The following CHST15 variants were observed in gnomAD, a reference collection of about 807,000 sequenced individuals.
CHST15 encodes B cell RAG associated protein (GALNAC4S-6ST).
A neutral mutation model predicts 53.6 loss-of-function variants in CHST15; 30 were observed. The observed-to-expected ratio is 0.56, with a 90% confidence interval of 0.42 to 0.76. CHST15 has a LOEUF of 0.76. Ranked by LOEUF, CHST15 falls within the 30% of genes least tolerant of loss-of-function variation. The probability of loss-of-function intolerance (pLI) is 0.00; values close to 1 mark genes in which losing one functional copy is unlikely to be tolerated. For synonymous variants in CHST15, 296 were observed against 289.8 expected (o/e 1.02, Z -0.22); for missense variants, 627 against 740.5 (o/e 0.85, Z 1.78).
At chr10:124,012,968 C>T (rs1946461749) in intron 6 of CHST15, among the ~76,000 whole-genome samples, 1 of 152,196 alleles carries the variant, frequency 6.6e-6, no homozygotes. Context: ...GTGTGTAATT[C>T]AGCATCTAAT....
chr10:124,029,819 C>T (rs1947155348), intron 5 of CHST15, among the ~76,000 whole-genome samples: 1 of 152,226 alleles, frequency 6.6e-6, no homozygotes, highest in African/African-American at 2.4e-5. Flanking sequence ...ACAGCGTCAA[C>T]CTCACTAAGC....
At chr10:124,018,296 T>C (rs1946654641) in intron 6 of CHST15, among the ~76,000 whole-genome samples, 1 of 152,108 alleles carries the variant, frequency 6.6e-6, no homozygotes, top group Non-Finnish European at 1.5e-5. Flanking sequence ...CTCCTGACGA[T>C]GTCACACATT....
intron 1 of CHST15, among the ~76,000 whole-genome samples, chr10:124,048,269 G>A (rs1186429498): frequency 6.6e-6 from 1 of 152,224 alleles, no homozygotes; most frequent in Non-Finnish European, 1.5e-5. Flanking sequence ...ATGCTAATAA[G>A]CCCTGTGAAT....
chr10:124,025,516 G>T (rs1318432024), intron 5 of CHST15, among the ~76,000 whole-genome samples: 4 of 152,172 alleles, frequency 2.6e-5, no homozygotes, highest in African/African-American at 9.7e-5. Context: ...CTGGGTCCCT[G>T]GCATCCTGCT....
At chr10:124,058,871 C>G (rs1948469705) in intron 1 of CHST15, among the ~76,000 whole-genome samples, 2 of 152,218 alleles carry the variant, frequency 1.3e-5, no homozygotes, top group African/African-American at 4.8e-5. Flanking sequence ...TGAGGGCTTC[C>G]TTGTGTCCAG....
chr10:124,053,231 G>A (rs1002443412), intron 1 of CHST15, among the ~76,000 whole-genome samples: 2 of 152,186 alleles, frequency 1.3e-5, no homozygotes, highest in African/African-American at 2.4e-5. Context: ...CAGGAGTGAC[G>A]TATTTCTCCA....
At position 124,053,498 on chromosome 10, in the gene CHST15, C is replaced by T. The variant is rs1037627406; in HGVS notation, c.-512-6774G>A. Among the ~76,000 whole-genome samples, 154 of 146,198 alleles carry T rather than the reference C, an allele frequency of 1.1e-3. 1 individual carries two copies. In the East Asian group the frequency reaches 0.029, roughly 28 times the overall value. On this transcript the variant is annotated intron_variant, in intron 1 of 7. Coordinates refer to ENST00000435907, the MANE Select transcript of CHST15 (RefSeq NM_001270764.2). Reference sequence around the variant, plus strand: ...ATAATAAAGGGTTGATTTTTCTTTTCTTTTTTTTTTTTCAAGACAGAGTCT... The same window carrying T: ...ATAATAAAGGGTTGATTTTTCTTTTTTTTTTTTTTTTTCAAGACAGAGTCT...
At position 124,009,264 on chromosome 10, in the gene CHST15, C is replaced by A; in HGVS notation, c.*885G>T. The stretch of plus-strand genomic sequence containing the variant: ...TTGAGGTTGCTCATTCTGGCATTAA[C>A]AGCAAAAATTTCTCTTCCAATTATA... On this transcript the variant is annotated 3_prime_UTR_variant, in exon 8 of 8. Coordinates refer to ENST00000435907, the MANE Select transcript of CHST15 (RefSeq NM_001270764.2). 9.2e-7 allele frequency: 1 copy of A among 1,085,170 alleles called. No individual in the cohort carries two copies. The allele number at this position is 1,085,170 out of a possible 1,614,324, so 67.2% of individuals were successfully genotyped here.
intron 1 of CHST15, among the ~76,000 whole-genome samples, chr10:124,065,014 A>G (rs1948712861): frequency 6.6e-6 from 1 of 152,238 alleles, no homozygotes; most frequent in South Asian, 2.1e-4. Context: ...TTCTAAAGGT[A>G]GGCAGGCAAC....
chr10:124,040,293 G>A (rs1947686132), intron 4 of CHST15, among the ~76,000 whole-genome samples: 1 of 152,162 alleles, frequency 6.6e-6, no homozygotes, highest in Admixed American at 6.5e-5. Context: ...GCTCAGCATT[G>A]TGCTTGGCAC....
At chr10:124,033,931 A>C (rs1315530044) in intron 5 of CHST15, among the ~76,000 whole-genome samples, 1 of 152,210 alleles carries the variant, frequency 6.6e-6, no homozygotes, top group Non-Finnish European at 1.5e-5. Flanking sequence ...AGTTTTGGCA[A>C]ACTTTTTCCG....
chr10:124,034,404 C>T (rs563884985), intron 5 of CHST15, among the ~76,000 whole-genome samples: 14 of 152,178 alleles, frequency 9.2e-5, no homozygotes, highest in African/African-American at 2.9e-4. Context: ...CTTGCTGAGC[C>T]GCTTGCACCT....
At chr10:124,077,510 C>T (rs1433618650) in intron 1 of CHST15, among the ~76,000 whole-genome samples, 1 of 152,198 alleles carries the variant, frequency 6.6e-6, no homozygotes, top group African/African-American at 2.4e-5. Flanking sequence ...TACACTCTTT[C>T]AGCCCCTTTA....
At chr10:124,025,894 C>T (rs1232955852) in intron 5 of CHST15, among the ~76,000 whole-genome samples, 1 of 152,098 alleles carries the variant, frequency 6.6e-6, no homozygotes, top group African/African-American at 2.4e-5. Flanking sequence ...GCTTTTATCC[C>T]TTAGGGCCAC....
In CHST15 at chr10:124,024,786, G is replaced by A. The variant is rs1946930940; in HGVS notation, c.1191-3374C>T. ...GTGAACCTTCAAGCAAGGTTTGGCT[G>A]TGTGCACTGAGGGGTGCCAGGTGGC... On this transcript the variant is annotated intron_variant, in intron 5 of 7. Transcript: ENST00000435907. This position sits in a 1 kb window ranked among gnomAD's most constrained non-coding sequence, Gnocchi z 4.0. Among the ~76,000 whole-genome samples, 1 of 152,234 alleles carries A rather than the reference G, an allele frequency of 6.6e-6. No homozygotes were observed. Among genetic ancestry groups the A allele is most frequent in the African/African-American group, 2.4e-5 (1 of 41,458 alleles).
chr10:124,076,143 A>G (rs768509117), intron 1 of CHST15, among the ~76,000 whole-genome samples: 30 of 152,224 alleles, frequency 2.0e-4, no homozygotes, highest in Non-Finnish European at 4.0e-4. Context: ...TTAACCACAC[A>G]GAGGTACTGG....
At chr10:124,059,162 C>A (rs559724739) in intron 1 of CHST15, among the ~76,000 whole-genome samples, 18 of 152,300 alleles carry the variant, frequency 1.2e-4, no homozygotes, top group African/African-American at 4.1e-4. Context: ...CTCTTCATCT[C>A]AAAGTCAATG....
chr10:124,088,213 C>T (rs1949494967), intron 1 of CHST15, among the ~76,000 whole-genome samples: 1 of 152,358 alleles, frequency 6.6e-6, no homozygotes, highest in South Asian at 2.1e-4. Context: ...CTTCCCGGAA[C>T]ACTCCAATCT....
rs142122913 is a variant in CHST15, at chr10:124,067,375, T to C, written c.-512-20651A>G. ...CTAAGATATGCAATCCAGTTGGGCA[T>C]GGAAGCCGCTAGAACAGAAGCTCAG... On this transcript the variant is annotated intron_variant, in intron 1 of 7. Transcript: ENST00000435907. 6.7e-3 allele frequency among the ~76,000 whole-genome samples: 1,022 copies of C among 152,304 alleles called. 11 individuals carry two copies. The highest frequency in any genetic ancestry group is 0.024 in the African/African-American group (991 of 41,556).
Sources: gnomAD v4.1 joint callset for allele counts (sites outside exome capture counted in the v4.1 genomes callset) on GRCh38, gnomAD v4.1.1 for gene constraint, Gnocchi (gnomAD v3.1) non-coding constraint, MANE v1.5 for transcripts, NCBI Gene and HGNC (gene_info 2026-07-23, HGNC 2026-07-21) for gene names.